KDM3B: variants seen among roughly 807,000 people sequenced by gnomAD.
KDM3B encodes the protein lysine-specific demethylase 3B.
In KDM3B, 10 loss-of-function variants were observed where a neutral mutation model predicts 170.0. The observed-to-expected ratio is 0.06, with a 90% CI of 0.04 to 0.10. The LOEUF is 0.10. Among genes scored for constraint, KDM3B ranks in the 10% least tolerant of loss-of-function variants. The pLI is 1.00. For synonymous variants in KDM3B, 831 were observed against 834.8 expected (o/e 1.00, Z 0.08); for missense variants, 1,394 against 2,195.2 (o/e 0.64, Z 7.29).
intron 23 of KDM3B, among the ~76,000 whole-genome samples, chr5:138,434,236 A>G (rs1057390567): frequency 1.3e-5 from 2 of 152,048 alleles, no homozygotes; most frequent in Non-Finnish European, 2.9e-5. Context: ...CAGCCTGGGC[A>G]ACAGACTCTG....
intron 5 of KDM3B, among the ~76,000 whole-genome samples, chr5:138,380,943 C>T (rs1018583460): frequency 5.9e-5 from 9 of 151,540 alleles, no homozygotes; most frequent in Admixed American, 3.9e-4. Flanking sequence ...GGCACGATCT[C>T]GGCTCACTGC....
intron 1 of KDM3B, among the ~76,000 whole-genome samples, chr5:138,362,396 T>A (rs116789884): frequency 0.011 from 1,607 of 151,584 alleles, 13 homozygotes; most frequent in Non-Finnish European, 0.016. Context: ...AGACTGGAGG[T>A]CTATATCACA....
intron 1 of KDM3B, among the ~76,000 whole-genome samples, chr5:138,371,911 A>G (rs1379821401): frequency 1.3e-5 from 2 of 152,338 alleles, no homozygotes; most frequent in South Asian, 2.1e-4. Context: ...TCCCTTGTTC[A>G]GGAGTTCAAG....
chr5:138,381,638 T>G (rs768254401), intron 6 of KDM3B, 48 bp downstream of exon 6: 1 of 1,191,594 alleles, frequency 8.4e-7, no homozygotes, highest in Admixed American at 1.7e-5. Context: ...GCTTGCATTA[T>G]CTTGCTGTGT....
In KDM3B at chr5:138,424,385, C is replaced by T. The variant is rs1221944718; in HGVS notation, c.4239+44C>T. The T allele has an allele frequency of 2.5e-6, 4 of 1,584,588 alleles. No homozygotes were observed. The African/African-American group carries it at 5.4e-5, about 21-fold the overall frequency. On this transcript the variant is annotated intron_variant, in intron 16 of 23. Coordinates refer to ENST00000314358, the MANE Select transcript of KDM3B (RefSeq NM_016604.4). ...TTCCAAGGGCCAATTCTCTGCCTGC[C>T]TACCACAGATACCTGGACAATTCCA...
chr5:138,359,929 TCTAGGCTAGTA>T (rs1761555429), intron 1 of KDM3B, among the ~76,000 whole-genome samples: 1 of 152,190 alleles, frequency 6.6e-6, no homozygotes, highest in African/African-American at 2.4e-5. Context: ...TGTAGCAATG[TCTAGGCTAGTA>T]CTATGTTTCT....
At position 138,405,955 on chromosome 5, in the gene KDM3B, CAA is replaced by C. The variant is rs573313097; in HGVS notation, c.3199+5945_3199+5946del. Among the ~76,000 whole-genome samples the C allele has an allele frequency of 2.1e-4, 32 of 152,204 alleles. No homozygotes were observed. The East Asian group carries it at 6.2e-3, about 29-fold the overall frequency. ...AAATGCTACAGCAACCACTTAAAAA[CAA>C]AGAAATATAGCTAGTAAGTCCAAAA... On this transcript the variant is annotated intron_variant, in intron 11 of 23. Transcript: ENST00000314358.
chr5:138,391,758 C>A lies in KDM3B; in HGVS notation c.2126C>A (p.Ala709Asp), dbSNP rs774439372. 1 of 1,614,068 alleles carries A rather than the reference C, an allele frequency of 6.2e-7. No individual in the cohort carries two copies. The highest frequency in any genetic ancestry group is 1.1e-5 in the South Asian group (1 of 91,078). The change falls in exon 8 of 24, where the codon GCT becomes GAT. Residue 709 changes from alanine (A) to aspartate (D), a missense_variant. Ala to Asp is a moderately radical substitution (Grantham distance 126). Around this residue, in one of 19 missense-constraint regions of KDM3B, gnomAD observed 294 missense variants for 311.7 expected, o/e 0.94. Coordinates refer to ENST00000314358, the MANE Select transcript of KDM3B (RefSeq NM_016604.4). The surrounding 1 kb of genome is among the most constrained non-coding windows in gnomAD (Gnocchi z 5.0). ...SKLVSGVLGS[A>D]LTSGGPSLSA... ...CTAGTATCTGGTGTTCTGGGCTCAG[C>A]TCTTACCAGTGGGGGCCCAAGCCTC...
chr5:138,435,545 T>G, intron 23 of KDM3B, 75 bp from the exon 24 acceptor site: 1 of 1,174,744 alleles, frequency 8.5e-7, no homozygotes, highest in Admixed American at 1.9e-5. Context: ...ACTAAACCAG[T>G]AGGCTTACAG....
intron 6 of KDM3B, among the ~76,000 whole-genome samples, chr5:138,383,059 T>G (rs1762165733): frequency 6.6e-6 from 1 of 152,172 alleles, no homozygotes; most frequent in Non-Finnish European, 1.5e-5. Flanking sequence ...TATAAGTTGT[T>G]TAGGGACTGG....
Position 138,415,251 on chromosome 5 carries a change from C to A in KDM3B, c.3307+12C>A. On this transcript the variant is annotated intron_variant, in intron 12 of 23. Coordinates refer to ENST00000314358, the MANE Select transcript of KDM3B (RefSeq NM_016604.4). ...TATTCCTGGCACAGGTAAGGAAATT[C>A]CTTTTTTAGATTTGGTGGAAGAAAT... 6.4e-7 allele frequency: 1 copy of A among 1,552,894 alleles called. No individual in the cohort carries two copies. Among genetic ancestry groups the A allele is most frequent in the Non-Finnish European group, 8.8e-7 (1 of 1,131,020 alleles).
At chr5:138,392,788 A>G (rs1762466612) in intron 8 of KDM3B, among the ~76,000 whole-genome samples, 2 of 152,214 alleles carry the variant, frequency 1.3e-5, no homozygotes, top group African/African-American at 4.8e-5. Context: ...ACAAAGTCTC[A>G]TGGTAAAAGC....
At chr5:138,434,036 G>A (rs1010496088) in intron 23 of KDM3B, among the ~76,000 whole-genome samples, 9 of 152,032 alleles carry the variant, frequency 5.9e-5, no homozygotes, top group African/African-American at 1.9e-4. Flanking sequence ...CACCGTGCCC[G>A]TCCAACATTG....
intron 11 of KDM3B, among the ~76,000 whole-genome samples, chr5:138,406,592 C>T (rs552804556): frequency 6.6e-5 from 10 of 151,822 alleles, no homozygotes; most frequent in Non-Finnish European, 1.0e-4. Context: ...GAGCTGAGGT[C>T]GCGACATTGC....
At chr5:138,402,441 G>A (rs950554746) in intron 11 of KDM3B, among the ~76,000 whole-genome samples, 2 of 152,058 alleles carry the variant, frequency 1.3e-5, no homozygotes, top group East Asian at 3.8e-4. Flanking sequence ...ATTGTATCTT[G>A]GGCTAGTTAC....
Position 138,435,771 on chromosome 5 carries a change from GC to G in KDM3B, c.*72del. 8.1e-7 allele frequency: 1 copy of G among 1,230,058 alleles called. No homozygotes were observed. Among genetic ancestry groups the G allele is most frequent in the Non-Finnish European group, 1.2e-6 (1 of 853,392 alleles). The allele number at this position is 1,230,058 out of a possible 1,614,324, so 76.2% of individuals were successfully genotyped here. A position where few individuals can be genotyped will look rare whatever the true frequency, so the allele number is the denominator to read the frequency against. On this transcript the variant is annotated 3_prime_UTR_variant, in exon 24 of 24. Coordinates refer to ENST00000314358, the MANE Select transcript of KDM3B (RefSeq NM_016604.4). ...ACAACACTTAACAGGGAACGGCAGGGCTCTTTGCTGGAGCAGAGGCCCTTCA... is the reference window on the plus strand; with the variant it reads ...ACAACACTTAACAGGGAACGGCAGGGTCTTTGCTGGAGCAGAGGCCCTTCA...
At chr5:138,388,425 G>C (rs1762338330) in intron 7 of KDM3B, among the ~76,000 whole-genome samples, 1 of 151,968 alleles carries the variant, frequency 6.6e-6, no homozygotes. Context: ...GAGGTCAGGA[G>C]ATCGAGACCA....
At chr5:138,418,529 G>T (rs1763168247) in intron 13 of KDM3B, among the ~76,000 whole-genome samples, 1 of 152,182 alleles carries the variant, frequency 6.6e-6, no homozygotes, top group Non-Finnish European at 1.5e-5. Context: ...ACTATATAGA[G>T]TATGTAAATA....
intron 7 of KDM3B, among the ~76,000 whole-genome samples, chr5:138,387,196 T>G (rs1465631248): frequency 3.3e-5 from 5 of 152,224 alleles, no homozygotes; most frequent in Admixed American, 6.5e-5. Context: ...TTTCCTTTGT[T>G]CTTTATCTGA....
Sources: allele counts gnomAD v4.1 joint callset (sites outside exome capture counted in the v4.1 genomes callset), GRCh38; gene constraint gnomAD v4.1.1; regional missense constraint gnomAD v4.1.1; non-coding constraint Gnocchi (gnomAD v3.1); transcripts MANE v1.5; gene names NCBI Gene and HGNC (gene_info 2026-07-23, HGNC 2026-07-21).